The following SPIDR variants were observed in gnomAD, a reference collection of about 807,000 sequenced individuals.
SPIDR encodes the protein DNA repair-scaffolding protein.
In SPIDR, 93 loss-of-function variants were observed where a neutral mutation model predicts 104.6. The ratio of observed to expected loss-of-function variants is 0.89; its 90% CI spans 0.75 to 1.06. The LOEUF is 1.06. SPIDR is among the 50% of genes least tolerant of loss of function. The pLI is 0.00. For synonymous variants in SPIDR, 431 were observed against 416.9 expected, an observed-to-expected ratio of 1.03 and a Z score of -0.41; for missense variants, 1,154 against 1,111.2, an observed-to-expected ratio of 1.04 and a Z score of -0.55.
chr8:47,620,806 C>T (rs181064132), intron 10 of SPIDR, among the ~76,000 whole-genome samples: 33 of 149,582 alleles, frequency 2.2e-4, no homozygotes, highest in South Asian at 4.2e-4. Context: ...TTAGTAGAGA[C>T]GGGGTTTCAC....
chr8:47,669,556 T>C (rs1268978250), intron 10 of SPIDR, among the ~76,000 whole-genome samples: 1 of 152,212 alleles, frequency 6.6e-6, no homozygotes, highest in Non-Finnish European at 1.5e-5. Flanking sequence ...TTCCTTGTTA[T>C]TTGAGACAAA....
intron 5 of SPIDR, among the ~76,000 whole-genome samples, chr8:47,374,696 T>C (rs1320567325): frequency 7.2e-5 from 11 of 152,218 alleles, no homozygotes; most frequent in African/African-American, 2.2e-4. Flanking sequence ...ATGGACAGCT[T>C]GGCTTTCAGT....
chr8:47,524,337 C>A (rs77574245), intron 8 of SPIDR, among the ~76,000 whole-genome samples: 1 of 152,174 alleles, frequency 6.6e-6, no homozygotes, highest in Non-Finnish European at 1.5e-5. Flanking sequence ...GCCTGTGCTT[C>A]GTCATTTCTC....
intron 10 of SPIDR, among the ~76,000 whole-genome samples, chr8:47,658,037 AAAAAAAAAAAAAG>A (rs935185968): frequency 2.1e-5 from 3 of 145,390 alleles, no homozygotes; most frequent in Non-Finnish European, 3.0e-5. Flanking sequence ...CTCAAAAAAA[AAAAAAAAAAAAAG>A]AAAAAGAAAA....
chr8:47,384,138 A>G (rs571599615), intron 5 of SPIDR, among the ~76,000 whole-genome samples: 1 of 152,334 alleles, frequency 6.6e-6, no homozygotes, highest in East Asian at 1.9e-4. Context: ...TTAGGGCTAC[A>G]TTAGCATGTA....
At chr8:47,287,167 G>T (rs1232641760) in intron 3 of SPIDR, among the ~76,000 whole-genome samples, 2 of 151,846 alleles carry the variant, frequency 1.3e-5, no homozygotes, top group Non-Finnish European at 2.9e-5. Flanking sequence ...CAGGGAGTAG[G>T]TCACAAAGAT....
Position 47,394,368 on chromosome 8 carries a change from A to T in SPIDR, c.526-2008A>T, listed in dbSNP as rs527753195. On this transcript the variant is annotated intron_variant, in intron 5 of 19. Transcript: ENST00000297423. ...TCCCCCATCCTCACAAGCAGCATGA[A>T]TCCTCTTCATGGTTGCACGTGAGTC... Among the ~76,000 whole-genome samples the T allele has an allele frequency of 2.7e-3, 418 of 152,204 alleles. 1 individual carries two copies. Among genetic ancestry groups the T allele is most frequent in the African/African-American group, 9.8e-3 (408 of 41,504 alleles).
intron 10 of SPIDR, among the ~76,000 whole-genome samples, chr8:47,642,488 T>C (rs2069296272): frequency 6.6e-6 from 1 of 152,000 alleles, no homozygotes; most frequent in African/African-American, 2.4e-5. Context: ...ACCCGCACTC[T>C]GAGGCTCAGC....
At chr8:47,669,135 G>GC (rs1024025575) in intron 10 of SPIDR, among the ~76,000 whole-genome samples, 13 of 152,230 alleles carry the variant, frequency 8.5e-5, no homozygotes, top group African/African-American at 2.4e-4. Flanking sequence ...ACATAATGCT[G>GC]CCCCCCGGGA....
intron 5 of SPIDR, among the ~76,000 whole-genome samples, chr8:47,386,156 A>T (rs948150480): frequency 7.2e-5 from 11 of 151,932 alleles, no homozygotes; most frequent in Admixed American, 2.6e-4. Flanking sequence ...CTATGTAGGT[A>T]TACTTAAGGA....
At position 47,585,477 on chromosome 8, in the gene SPIDR, A is replaced by C. The variant is rs62539115; in HGVS notation, c.1098-10334A>C. 5.1e-3 allele frequency among the ~76,000 whole-genome samples: 772 copies of C among 152,252 alleles called. 7 individuals are homozygous for C. In the East Asian group the frequency reaches 0.061, roughly 12 times the overall value. On this transcript the variant is annotated intron_variant, in intron 8 of 19. Transcript: ENST00000297423. The stretch of plus-strand genomic sequence containing the variant: ...GTAGATTTACATTTAGTTGTACAAA[A>C]TAATACAGACAGATCAACTTCCTTC...
intron 8 of SPIDR, among the ~76,000 whole-genome samples, chr8:47,508,720 GCAGGTAATAATACCA>G (rs1371114607): frequency 1.6e-5 from 2 of 128,092 alleles, no homozygotes; most frequent in Admixed American, 1.5e-4. Context: ...CCAGGTTCTG[GCAGGTAATAATACCA>G]CAGTCTCCAT....
chr8:47,647,645 AGAGAGAGAGG>A (rs1439051658), intron 10 of SPIDR, among the ~76,000 whole-genome samples: 13 of 146,330 alleles, frequency 8.9e-5, no homozygotes, highest in African/African-American at 3.1e-4. Context: ...AGAGAGAGAG[AGAGAGAGAGG>A]GAGAGAGAGA....
At chr8:47,424,557 A>G (rs1486386438) in intron 7 of SPIDR, among the ~76,000 whole-genome samples, 1 of 152,094 alleles carries the variant, frequency 6.6e-6, no homozygotes, top group African/African-American at 2.4e-5. Flanking sequence ...GCCTCAAGGG[A>G]ACCTCCCTTC....
At chr8:47,660,178 T>G (rs1393933661) in intron 10 of SPIDR, among the ~76,000 whole-genome samples, 1 of 152,246 alleles carries the variant, frequency 6.6e-6, no homozygotes, top group Admixed American at 6.5e-5. Context: ...TTTTTATTCC[T>G]TGTGATTTGT....
intron 10 of SPIDR, among the ~76,000 whole-genome samples, chr8:47,634,000 CAGTTGGATGGATTG>C (rs937496207): frequency 2.0e-5 from 3 of 151,000 alleles, no homozygotes; most frequent in African/African-American, 7.3e-5. Flanking sequence ...AGGCTGATGG[CAGTTGGATGGATTG>C]AGCCTAGGAG....
At chr8:47,615,042 A>G (rs762731631) in intron 10 of SPIDR, among the ~76,000 whole-genome samples, 15 of 151,914 alleles carry the variant, frequency 9.9e-5, no homozygotes, top group Admixed American at 2.6e-4. Context: ...TACTTTCTTG[A>G]TAGTGTCCTT....
intron 8 of SPIDR, among the ~76,000 whole-genome samples, chr8:47,572,637 T>A (rs1043332012): frequency 1.3e-5 from 2 of 151,176 alleles, no homozygotes; most frequent in Non-Finnish European, 2.9e-5. Context: ...CACTCCTGCC[T>A]GGCGACAGAG....
chr8:47,295,578 A>G (rs1456629981), intron 5 of SPIDR, among the ~76,000 whole-genome samples: 12 of 152,132 alleles, frequency 7.9e-5, no homozygotes, highest in African/African-American at 2.9e-4. Flanking sequence ...TGCCTGGCTT[A>G]TCTGAGTTAA....
Sources: allele counts gnomAD v4.1 joint callset (sites outside exome capture counted in the v4.1 genomes callset), GRCh38; gene constraint gnomAD v4.1.1; transcripts MANE v1.5; gene names NCBI Gene and HGNC (gene_info 2026-07-23, HGNC 2026-07-21).